THUMPD3: variants seen among roughly 807,000 people sequenced by gnomAD.
THUMPD3 encodes the protein THUMP domain 3 tRNA guanosine methyltransferase, also known as tRNA (guanine(6)-N(2))-methyltransferase THUMP3.
Under a neutral mutation model 54.5 loss-of-function variants are expected in THUMPD3, and 44 were observed. The observed-to-expected ratio is 0.81, with a 90% CI of 0.63 to 1.04. The LOEUF (loss-of-function observed/expected upper bound fraction) is 1.04. THUMPD3 is among the 50% of genes least tolerant of loss of function. The pLI is 0.00. For synonymous variants in THUMPD3, 196 were observed against 201.4 expected (o/e 0.97, Z 0.23); for missense variants, 604 against 601.3 (o/e 1.00, Z -0.05).
At chr3:9,381,942 G>C (rs2032948443) in intron 7 of THUMPD3, among the ~76,000 whole-genome samples, 1 of 150,940 alleles carries the variant, frequency 6.6e-6, no homozygotes, top group Non-Finnish European at 1.5e-5. Context: ...ACCATGCCCG[G>C]CTTATTTTTT....
Position 9,372,598 on chromosome 3 carries a change from A to G in THUMPD3, c.807+1062A>G, listed in dbSNP as rs1006825594. On this transcript the variant is annotated intron_variant, in intron 4 of 9. Transcript: ENST00000452837. The stretch of plus-strand genomic sequence containing the variant: ...CCATCTCCAAAAAAAAAAAAAGTGC[A>G]TTTTTTAAACAAACCCTGACCTTCT... Among the ~76,000 whole-genome samples, 75 of 151,924 alleles carry G rather than the reference A, an allele frequency of 4.9e-4. 1 individual carries two copies. The highest frequency in any genetic ancestry group is 1.8e-3 in the African/African-American group (74 of 41,428).
At chr3:9,381,276 C>T (rs2032869214) in intron 7 of THUMPD3, among the ~76,000 whole-genome samples, 1 of 152,208 alleles carries the variant, frequency 6.6e-6, no homozygotes, top group Non-Finnish European at 1.5e-5. Context: ...TATAGAAATA[C>T]TGCAGTTTAT....
intron 7 of THUMPD3, 75 bp downstream of exon 7, chr3:9,380,693 A>T: frequency 9.9e-7 from 1 of 1,012,016 alleles, no homozygotes. Context: ...ATGAATTAAA[A>T]CTCCCAGTGC....
chr3:9,385,258 G>C lies in THUMPD3; in HGVS notation c.*570G>C, dbSNP rs2033256297. ...CTAGTGAAAAGCCTACTAAAGTGCT[G>C]TGAGATTGGGGTTTAGAACATTTTA... is the stretch of plus-strand genomic sequence containing the variant. On this transcript the variant is annotated 3_prime_UTR_variant, in exon 10 of 10. Transcript: ENST00000452837. 1 of 152,628 alleles carries C rather than the reference G, an allele frequency of 6.6e-6. No homozygotes were observed. The highest frequency in any genetic ancestry group is 1.5e-5 in the Non-Finnish European group (1 of 68,348). 9.5% of individuals were successfully genotyped at this position (152,628 alleles called of 1,614,324 possible).
At chr3:9,369,706 C>A (rs905768549) in intron 3 of THUMPD3, among the ~76,000 whole-genome samples, 2 of 152,174 alleles carry the variant, frequency 1.3e-5, no homozygotes, top group Non-Finnish European at 2.9e-5. Context: ...TTTTCACATT[C>A]TTTTGCTATT....
At chr3:9,365,665 C>T (rs79664318) in intron 2 of THUMPD3, among the ~76,000 whole-genome samples, 2 of 151,640 alleles carry the variant, frequency 1.3e-5, no homozygotes, top group Non-Finnish European at 2.9e-5. Flanking sequence ...GATCTTGGCT[C>T]ACTGCAACCT....
Position 9,365,212 on chromosome 3 carries a change from T to A in THUMPD3, c.144T>A (p.Phe48Leu). 1 of 1,614,212 alleles carries A rather than the reference T, an allele frequency of 6.2e-7. No homozygotes were observed. Reference sequence around the variant, plus strand: ...TTGGAGCCACTGTACCTACTGGCTTTGAGCAAACAGCTGCAGATGAAGTCA... The same window carrying A: ...TTGGAGCCACTGTACCTACTGGCTTAGAGCAAACAGCTGCAGATGAAGTCA... ...VTIGATVPTG[F>L]EQTAADEVRE... Residue 48 changes from phenylalanine (F) to leucine (L), a missense_variant, in exon 2 of 10, where the codon TTT becomes TTA. Phe to Leu is a conservative substitution (Grantham distance 22). Coordinates refer to ENST00000452837, the MANE Select transcript of THUMPD3 (RefSeq NM_001114092.2).
intron 3 of THUMPD3, among the ~76,000 whole-genome samples, chr3:9,370,154 ACC>A (rs2031915623): frequency 6.6e-6 from 1 of 152,032 alleles, no homozygotes; most frequent in African/African-American, 2.4e-5. Context: ...CTATCCTTTG[ACC>A]TCTGGGTGTA....
Position 9,374,530 on chromosome 3 carries a change from C to T in THUMPD3, c.822C>T (p.Ile274=). 1 of 1,613,540 alleles carries T rather than the reference C, an allele frequency of 6.2e-7. No homozygotes were observed. Among genetic ancestry groups the T allele is most frequent in the Non-Finnish European group, 8.5e-7 (1 of 1,179,784 alleles). Residue 274 remains isoleucine (I), a synonymous_variant, in exon 5 of 10, where the codon ATC becomes ATT. Transcript: ENST00000452837. Reference sequence around the variant, plus strand: ...CTTTGCTATAGGTTCTTTTGAACATCCATGATAATGAAGTCATTGTGGGCA... The same window carrying T: ...CTTTGCTATAGGTTCTTTTGAACATTCATGATAATGAAGTCATTGTGGGCA... ...TNFDVEVLLN[I]HDNEVIVGIA...
chr3:9,384,590 C>T lies in THUMPD3; in HGVS notation c.1426C>T (p.Arg476Cys), dbSNP rs747350693. 1.1e-5 allele frequency: 17 copies of T among 1,614,022 alleles called. No homozygotes were observed. The Middle Eastern group carries it at 8.2e-4, about 78-fold the overall frequency. Residue 476 changes from arginine (R) to cysteine (C), a missense_variant, in exon 10 of 10, where the codon CGT becomes TGT. By Grantham distance (180) the Arg-to-Cys change is radical. Coordinates refer to ENST00000452837, the MANE Select transcript of THUMPD3 (RefSeq NM_001114092.2). ...DTVWVNVGGL[R>C]AAVYVLIRTP... is the part of the protein sequence containing the mutation. ...AGTCTGGGTGAACGTTGGTGGTCTT[C>T]GTGCTGCAGTTTACGTTCTGATACG...
chr3:9,368,896 C>T (rs1210462638), intron 3 of THUMPD3, among the ~76,000 whole-genome samples: 2 of 152,170 alleles, frequency 1.3e-5, no homozygotes, highest in Non-Finnish European at 2.9e-5. Context: ...TTTATTTACA[C>T]AAATGAAAGC....
At chr3:9,382,908 A>G in intron 7 of THUMPD3, 1 of 234,132 alleles carries the variant, frequency 4.3e-6, no homozygotes, top group Non-Finnish European at 8.6e-6. Flanking sequence ...TTAAAAAAGT[A>G]TTTTAGAGAC....
At chr3:9,381,901 TC>T (rs2032943186) in intron 7 of THUMPD3, among the ~76,000 whole-genome samples, 2 of 148,976 alleles carry the variant, frequency 1.3e-5, no homozygotes, top group Non-Finnish European at 3.0e-5. Context: ...TGCCTCAGCC[TC>T]CCAAGTAGCT....
At chr3:9,378,738 A>G (rs994046872) in intron 6 of THUMPD3, among the ~76,000 whole-genome samples, 5 of 152,228 alleles carry the variant, frequency 3.3e-5, no homozygotes, top group African/African-American at 1.2e-4. Flanking sequence ...CAAGACTGAA[A>G]TCATAGAAGT....
intron 7 of THUMPD3, among the ~76,000 whole-genome samples, chr3:9,381,880 C>T (rs1433427298): frequency 6.2e-5 from 9 of 145,480 alleles, no homozygotes; most frequent in Admixed American, 1.4e-4. Context: ...CCCGGGTTCA[C>T]GCCATTCTCC....
chr3:9,377,952 G>T (rs957976811), intron 6 of THUMPD3, 64 bp downstream of exon 6: 20 of 1,299,008 alleles, frequency 1.5e-5, no homozygotes, highest in African/African-American at 2.9e-5. Context: ...GACCTAATGG[G>T]CAAATTAGAC....
chr3:9,372,741 A>C (rs1300839095), intron 4 of THUMPD3, among the ~76,000 whole-genome samples: 2 of 152,146 alleles, frequency 1.3e-5, no homozygotes, highest in Non-Finnish European at 2.9e-5. Flanking sequence ...CTTGGTCTTA[A>C]TCCTCTTTTA....
At chr3:9,382,240 A>G (rs2032981544) in intron 7 of THUMPD3, among the ~76,000 whole-genome samples, 1 of 152,110 alleles carries the variant, frequency 6.6e-6, no homozygotes, top group African/African-American at 2.4e-5. Flanking sequence ...TAAATTCTTC[A>G]TTAAATGTCA....
intron 4 of THUMPD3, among the ~76,000 whole-genome samples, chr3:9,374,071 G>GGGCAATTGC (rs879714966): frequency 2.0e-5 from 3 of 152,096 alleles, no homozygotes; most frequent in Admixed American, 2.0e-4. Context: ...TTCCCAGTCA[G>GGGCAATTGC]TACCCACTCA....
Sources: gnomAD v4.1 joint callset for allele counts (sites outside exome capture counted in the v4.1 genomes callset) on GRCh38, gnomAD v4.1.1 for gene constraint, MANE v1.5 for transcripts, NCBI Gene and HGNC (gene_info 2026-07-23, HGNC 2026-07-21) for gene names.